The following ZNF678 variants were observed in gnomAD, a reference collection of about 807,000 sequenced individuals.
ZNF678 encodes the protein zinc finger protein 678, also known as hypothetical protein MGC42493.
Under a neutral mutation model 3.0 loss-of-function variants are expected in ZNF678, and 5 were observed. The ratio of observed to expected loss-of-function variants is 1.69; its 90% CI spans 0.88 to 3.56. The LOEUF is 3.56. Among genes scored for constraint, ZNF678 ranks in the 30% most tolerant of loss-of-function variants. The pLI is 0.00. For synonymous variants in ZNF678, 218 were observed against 199.6 expected, an observed-to-expected ratio of 1.09 and a Z score of -0.78; for missense variants, 593 against 605.0, an observed-to-expected ratio of 0.98 and a Z score of 0.21.
chr1:227,676,764 A>G (rs550975759), intron 5 of ZNF678, among the ~76,000 whole-genome samples: 1 of 149,738 alleles, frequency 6.7e-6, no homozygotes, highest in Non-Finnish European at 1.5e-5. Context: ...AAGAGAGAAC[A>G]TGCGGTGTTT....
intron 1 of ZNF678, among the ~76,000 whole-genome samples, chr1:227,564,010 TG>T (rs1656604836): frequency 6.6e-6 from 1 of 152,222 alleles, no homozygotes; most frequent in African/African-American, 2.4e-5. Flanking sequence ...GAAACATGCG[TG>T]GGAAGAGCTG....
intron 1 of ZNF678, among the ~76,000 whole-genome samples, chr1:227,607,617 GTATATTTCCAAGCCAC>G (rs1657906619): frequency 6.6e-6 from 1 of 150,666 alleles, no homozygotes. Flanking sequence ...CACAGAGTAT[GTATATTTCCAAGCCAC>G]TTACATGTAC....
intron 1 of ZNF678, among the ~76,000 whole-genome samples, chr1:227,610,503 A>G (rs1367633336): frequency 6.6e-6 from 1 of 152,196 alleles, no homozygotes; most frequent in Admixed American, 6.5e-5. Flanking sequence ...TACCCAGTGT[A>G]GTTCACCAGT....
chr1:227,573,117 G>C (rs180887738), intron 1 of ZNF678, among the ~76,000 whole-genome samples: 6 of 151,788 alleles, frequency 4.0e-5, no homozygotes, highest in Non-Finnish European at 8.9e-5. Context: ...TGACAAGAAG[G>C]CAATCAGGGA....
downstream of ZNF678, among the ~76,000 whole-genome samples, chr1:227,663,394 C>G (rs117659468): frequency 6.6e-6 from 1 of 152,102 alleles, no homozygotes; most frequent in Non-Finnish European, 1.5e-5. Flanking sequence ...AACATAAAGA[C>G]GTGATATCAA....
rs184178704 is a variant in ZNF678, at chr1:227,591,693, G to A, written c.-164+27969G>A. Among the ~76,000 whole-genome samples, 359 of 152,220 alleles carry A rather than the reference G, an allele frequency of 2.4e-3. 2 individuals are homozygous for A. The highest frequency in any genetic ancestry group is 2.8e-3 in the Non-Finnish European group (193 of 68,030). On this transcript the variant is annotated intron_variant, in intron 1 of 3. Coordinates refer to ENST00000343776, the MANE Select transcript of ZNF678 (RefSeq NM_001367909.1). ...ATGGGTCATAACACACATCAGGTTGGTCATTTCCTGGGCTAAATACCTTGT... is the reference window on the plus strand; with the variant it reads ...ATGGGTCATAACACACATCAGGTTGATCATTTCCTGGGCTAAATACCTTGT...
intron 1 of ZNF678, among the ~76,000 whole-genome samples, chr1:227,608,711 A>G (rs1036729227): frequency 6.6e-6 from 1 of 152,198 alleles, no homozygotes; most frequent in Admixed American, 6.5e-5. Context: ...TAAGGCAACA[A>G]CCGAAAATGC....
intron 1 of ZNF678, among the ~76,000 whole-genome samples, chr1:227,583,854 G>T (rs930103404): frequency 6.6e-6 from 1 of 152,180 alleles, no homozygotes; most frequent in Admixed American, 6.5e-5. Context: ...TTGGGCACAT[G>T]ATTGGCTCTA....
chr1:227,634,997 C>G (rs10916185), intron 1 of ZNF678, among the ~76,000 whole-genome samples: 72,796 of 151,564 alleles, frequency 0.48, 18,654 homozygotes, highest in African/African-American at 0.66. Flanking sequence ...CACCCTTCCT[C>G]CAGCTCCAGG....
intron 5 of ZNF678, among the ~76,000 whole-genome samples, chr1:227,671,396 A>AC (rs1659600271): frequency 6.6e-6 from 1 of 152,172 alleles, no homozygotes; most frequent in African/African-American, 2.4e-5. Flanking sequence ...GAGAAAAAAA[A>AC]ACACACATTT....
intron 1 of ZNF678, among the ~76,000 whole-genome samples, chr1:227,629,081 T>C (rs981371216): frequency 1.3e-4 from 20 of 152,140 alleles, no homozygotes; most frequent in Admixed American, 1.0e-3. Context: ...CCACTGTCCA[T>C]TGGGTTTCTG....
intron 1 of ZNF678, among the ~76,000 whole-genome samples, chr1:227,577,268 T>C (rs1362849319): frequency 6.6e-6 from 1 of 152,204 alleles, no homozygotes; most frequent in Non-Finnish European, 1.5e-5. Flanking sequence ...TGTGATCCAG[T>C]GCTGAGTTCA....
At chr1:227,591,794 T>C (rs568546100) in intron 1 of ZNF678, among the ~76,000 whole-genome samples, 1 of 152,302 alleles carries the variant, frequency 6.6e-6, no homozygotes, top group Admixed American at 6.5e-5. Context: ...AATAGGACCA[T>C]AGCAACCTTT....
chr1:227,614,568 G>A (rs1438635450), intron 1 of ZNF678, among the ~76,000 whole-genome samples: 2 of 152,064 alleles, frequency 1.3e-5, no homozygotes, highest in South Asian at 2.1e-4. Flanking sequence ...CTTCTAGATC[G>A]GCTTCCATAA....
At chr1:227,669,814 CAG>C (rs1213601698) in intron 5 of ZNF678, among the ~76,000 whole-genome samples, 2 of 152,116 alleles carry the variant, frequency 1.3e-5, no homozygotes, top group Admixed American at 6.5e-5. Flanking sequence ...GAACTTAAAA[CAG>C]AGTTACCATT....
At chr1:227,585,967 G>A (rs1657249703) in intron 1 of ZNF678, among the ~76,000 whole-genome samples, 4 of 152,162 alleles carry the variant, frequency 2.6e-5, no homozygotes, top group Admixed American at 2.6e-4. Context: ...CCTAGGGAGG[G>A]AGGAGAATTT....
intron 1 of ZNF678, among the ~76,000 whole-genome samples, chr1:227,623,746 T>G (rs949403443): frequency 1.3e-5 from 2 of 152,216 alleles, no homozygotes; most frequent in African/African-American, 4.8e-5. Flanking sequence ...GGTAATCTAC[T>G]TTATTAACCT....
chr1:227,644,419 A>G (rs767906127), intron 1 of ZNF678, among the ~76,000 whole-genome samples: 15 of 152,138 alleles, frequency 9.9e-5, no homozygotes, highest in Non-Finnish European at 2.2e-4. Context: ...TTGCCCAGAC[A>G]TTGTGGTCCT....
Position 227,654,729 on chromosome 1 carries a change from A to G in ZNF678, c.479A>G (p.Lys160Arg). 6.2e-7 allele frequency: 1 copy of G among 1,613,126 alleles called. No homozygotes were observed. The highest frequency in any genetic ancestry group is 8.5e-7 in the Non-Finnish European group (1 of 1,179,376). Reference sequence around the variant, plus strand: ...CCCTACAAATGTGACGAATGTGGCAAAGTTTTTAATTGGTGGTCACAACTA... The same window carrying G: ...CCCTACAAATGTGACGAATGTGGCAGAGTTTTTAATTGGTGGTCACAACTA... ...EKPYKCDECG[K>R]VFNWWSQLTN... The change falls in exon 4 of 4, where the codon AAA (lysine) becomes AGA (arginine). Residue 160 changes from lysine to arginine, a missense_variant. Lys to Arg is a conservative substitution (Grantham distance 26, BLOSUM62 2). Transcript: ENST00000343776.
Sources: gnomAD v4.1 joint callset for allele counts (sites outside exome capture counted in the v4.1 genomes callset) on GRCh38, gnomAD v4.1.1 for gene constraint, MANE v1.5 for transcripts, NCBI Gene and HGNC (gene_info 2026-07-23, HGNC 2026-07-21) for gene names.